Variants in MVB12B observed in about 807,000 individuals in gnomAD.
MVB12B encodes multivesicular body subunit 12B, also known as ESCRT-I complex subunit MVB12B.
Under a neutral mutation model 41.6 loss-of-function variants are expected in MVB12B, and 16 were observed. The observed-to-expected ratio is 0.38, with a 90% confidence interval of 0.26 to 0.58. The LOEUF (loss-of-function observed/expected upper bound fraction) is 0.58, where lower values mean the gene tolerates loss of function less well. Ranked by LOEUF, MVB12B falls within the 20% of genes least tolerant of loss-of-function variation. MVB12B has a pLI of 0.62. For missense variants in MVB12B, 274 were observed against 380.2 expected, an observed-to-expected ratio of 0.72 and a Z score of 2.32; for synonymous variants, 133 against 139.7, an observed-to-expected ratio of 0.95 and a Z score of 0.34.
intron 7 of MVB12B, among the ~76,000 whole-genome samples, chr9:126,463,173 A>G (rs1260680407): frequency 6.6e-6 from 1 of 152,036 alleles, no homozygotes; most frequent in African/African-American, 2.4e-5. Context: ...ATGGTTCTTG[A>G]CAGTCCTGCT....
At chr9:126,497,809 C>T (rs11793585) in intron 9 of MVB12B, among the ~76,000 whole-genome samples, 7,843 of 152,324 alleles carry the variant, frequency 0.051, 259 homozygotes, top group African/African-American at 0.087. Context: ...GCAAGGACTT[C>T]AGCTGGCCCT....
At chr9:126,378,130 A>C (rs1380110061) in intron 2 of MVB12B, among the ~76,000 whole-genome samples, 2 of 151,472 alleles carry the variant, frequency 1.3e-5, no homozygotes, top group Non-Finnish European at 2.9e-5. Flanking sequence ...CCCACACCCC[A>C]CCTTACCCCA....
intron 7 of MVB12B, among the ~76,000 whole-genome samples, chr9:126,470,185 A>G (rs1028113467): frequency 6.6e-6 from 1 of 152,206 alleles, no homozygotes; most frequent in Non-Finnish European, 1.5e-5. Context: ...ATTAAATTAC[A>G]TAACCCAGGG....
chr9:126,357,818 T>C (rs533493448), intron 2 of MVB12B, among the ~76,000 whole-genome samples: 30 of 152,330 alleles, frequency 2.0e-4, no homozygotes, highest in African/African-American at 7.0e-4. Context: ...AGCAAAAGTT[T>C]TAAAATTTGA....
At chr9:126,427,473 G>GT (rs1475053692) in intron 7 of MVB12B, among the ~76,000 whole-genome samples, 2 of 152,092 alleles carry the variant, frequency 1.3e-5, no homozygotes, top group Non-Finnish European at 2.9e-5. Context: ...ACCTAGGAGG[G>GT]TTTTTTGTCT....
At position 126,376,605 on chromosome 9, in the gene MVB12B, A is replaced by C. The variant is rs1564297089; in HGVS notation, c.205-4459A>C. On this transcript the variant is annotated intron_variant, in intron 2 of 9. Transcript: ENST00000361171. This position sits in a 1 kb window ranked among gnomAD's most constrained non-coding sequence, Gnocchi z 4.1. ...GCCCTCAGTGTCCAGTGTTCAGGGG[A>C]GGCGGCTGGAAGCAAGAAGGAGGGT... 7.8e-7 allele frequency: 1 copy of C among 1,289,052 alleles called. No individual in the cohort carries two copies. The highest frequency in any genetic ancestry group is 1.0e-6 in the Non-Finnish European group (1 of 988,760). The allele number at this position is 1,289,052 out of a possible 1,614,324, so 79.9% of individuals were successfully genotyped here.
chr9:126,387,332 G>A (rs1368566371), intron 4 of MVB12B, among the ~76,000 whole-genome samples: 1 of 152,106 alleles, frequency 6.6e-6, no homozygotes, highest in Non-Finnish European at 1.5e-5. Context: ...TTTAATCACT[G>A]GTCAGCCAAC....
intron 3 of MVB12B, among the ~76,000 whole-genome samples, chr9:126,384,044 A>C (rs1411621246): frequency 6.6e-6 from 1 of 152,002 alleles, no homozygotes; most frequent in Non-Finnish European, 1.5e-5. Context: ...AAACATGCCT[A>C]GTTGTTAATT....
intron 6 of MVB12B, among the ~76,000 whole-genome samples, chr9:126,412,211 A>G (rs1391765108): frequency 1.3e-5 from 2 of 152,156 alleles, no homozygotes; most frequent in Non-Finnish European, 2.9e-5. Context: ...GGTGTTTTAT[A>G]AGAGCCTTTT....
chr9:126,357,379 G>A (rs1829909662), intron 2 of MVB12B, among the ~76,000 whole-genome samples: 1 of 152,184 alleles, frequency 6.6e-6, no homozygotes, highest in Non-Finnish European at 1.5e-5. Context: ...GGAGTGGAAG[G>A]GTTGGATTGC....
At chr9:126,375,571 G>A (rs182861773) in intron 2 of MVB12B, among the ~76,000 whole-genome samples, 12 of 152,108 alleles carry the variant, frequency 7.9e-5, no homozygotes, top group African/African-American at 2.4e-4. Flanking sequence ...GCGTGCTGCT[G>A]TCCTCTGGCT....
chr9:126,393,794 G>A (rs1215547428), intron 5 of MVB12B, among the ~76,000 whole-genome samples: 1 of 152,228 alleles, frequency 6.6e-6, no homozygotes, highest in Non-Finnish European at 1.5e-5. Context: ...GGCTGGCAGG[G>A]GCCATGTGTT....
chr9:126,491,239 C>CT (rs1440429136), intron 9 of MVB12B, among the ~76,000 whole-genome samples: 2 of 152,236 alleles, frequency 1.3e-5, no homozygotes, highest in African/African-American at 4.8e-5. Context: ...TTCTGCGGGT[C>CT]TCTTCAAATA....
intron 7 of MVB12B, among the ~76,000 whole-genome samples, chr9:126,467,326 C>T (rs1017856422): frequency 6.6e-6 from 1 of 152,180 alleles, no homozygotes; most frequent in African/African-American, 2.4e-5. Flanking sequence ...CTGAGGCCAT[C>T]GATAGAGTCT....
chr9:126,470,850 A>G (rs757696187), intron 7 of MVB12B, among the ~76,000 whole-genome samples: 4 of 152,256 alleles, frequency 2.6e-5, no homozygotes, highest in South Asian at 2.1e-4. Context: ...ATATGGCTGC[A>G]CTTACGTTCT....
chr9:126,455,506 A>G (rs2119167425), intron 7 of MVB12B, among the ~76,000 whole-genome samples: 1 of 151,760 alleles, frequency 6.6e-6, no homozygotes, highest in African/African-American at 2.4e-5. Context: ...TTATTTTGAG[A>G]CAGGGTCTTT....
chr9:126,410,352 A>G (rs1454513039), intron 6 of MVB12B, among the ~76,000 whole-genome samples: 1 of 152,200 alleles, frequency 6.6e-6, no homozygotes, highest in Non-Finnish European at 1.5e-5. Context: ...GTAAAGCAAC[A>G]TGGCATGGTG....
intron 1 of MVB12B, among the ~76,000 whole-genome samples, chr9:126,330,304 T>TACAC (rs142849542): frequency 0.078 from 11,492 of 148,192 alleles, 461 homozygotes; most frequent in African/African-American, 0.11. Context: ...TTTCTTTCTT[T>TACAC]ACACACACAC....
chr9:126,330,734 G>A (rs1009583830), intron 1 of MVB12B, among the ~76,000 whole-genome samples: 9 of 152,070 alleles, frequency 5.9e-5, no homozygotes, highest in African/African-American at 2.2e-4. Flanking sequence ...AAACCGAAAC[G>A]CTGTGCTCAT....
Sources: gnomAD v4.1 joint callset for allele counts (sites outside exome capture counted in the v4.1 genomes callset) on GRCh38, gnomAD v4.1.1 for gene constraint, Gnocchi (gnomAD v3.1) non-coding constraint, MANE v1.5 for transcripts, NCBI Gene and HGNC (gene_info 2026-07-23, HGNC 2026-07-21) for gene names.